Variants in XKR9 observed in about 807,000 individuals in gnomAD.
XKR9 encodes XK related 9, also known as XK-related protein 9.
Under a neutral mutation model 32.0 loss-of-function variants are expected in XKR9, and 32 were observed. That is an observed-to-expected ratio of 1.00 (90% CI 0.76 to 1.34). The LOEUF (loss-of-function observed/expected upper bound fraction) is 1.34, where lower values mean the gene tolerates loss of function less well. Ranked by LOEUF, XKR9 falls within the 40% of genes most tolerant of loss-of-function variation. The pLI is 0.00. For missense variants in XKR9, 546 were observed against 429.7 expected, an observed-to-expected ratio of 1.27 and a Z score of -2.39; for synonymous variants, 168 against 143.4, an observed-to-expected ratio of 1.17 and a Z score of -1.22.
chr8:70,800,353 G>A, the XKR9 span, among the ~76,000 whole-genome samples: 1 of 152,070 alleles, frequency 6.6e-6, no homozygotes. Context: ...GCCAGGTTTG[G>A]TATCAGGATG....
chr8:70,896,453 A>C, the XKR9 span, among the ~76,000 whole-genome samples: 1 of 151,738 alleles, frequency 6.6e-6, no homozygotes, highest in Admixed American at 6.6e-5. Context: ...CATTTGACAT[A>C]AGTTGTTAAA....
the XKR9 span, among the ~76,000 whole-genome samples, chr8:70,878,566 A>G: frequency 6.6e-6 from 1 of 152,354 alleles, no homozygotes; most frequent in South Asian, 2.1e-4. Context: ...GAAGACCACT[A>G]CATAATGGTA....
chr8:71,052,561 C>G, the XKR9 span, among the ~76,000 whole-genome samples: 182 of 152,302 alleles, frequency 1.2e-3, 2 homozygotes, highest in East Asian at 0.031. Flanking sequence ...AGGCATGATT[C>G]TGCCGCCCAC....
chr8:70,894,361 C>T, the XKR9 span, among the ~76,000 whole-genome samples: 9 of 152,128 alleles, frequency 5.9e-5, no homozygotes, highest in South Asian at 2.1e-4. Flanking sequence ...TGTCACAGTT[C>T]GGTCTAAAGG....
chr8:70,842,011 G>C, the XKR9 span, among the ~76,000 whole-genome samples: 1 of 152,130 alleles, frequency 6.6e-6, no homozygotes, highest in African/African-American at 2.4e-5. Flanking sequence ...TTATTACTAT[G>C]ATGGTTTCTA....
downstream of XKR9, among the ~76,000 whole-genome samples, chr8:70,738,306 G>A (rs534927430): frequency 0.017 from 2,391 of 136,752 alleles, 40 homozygotes; most frequent in Non-Finnish European, 0.028. Flanking sequence ...CTGTGGGATC[G>A]GTGGTGATGT....
chr8:70,754,971 C>G (rs956395385), intron 2 of XKR9, among the ~76,000 whole-genome samples: 32 of 151,980 alleles, frequency 2.1e-4, no homozygotes, highest in African/African-American at 7.0e-4. Flanking sequence ...TCAGAGTGAA[C>G]AGGCAACCTA....
At chr8:70,853,949 C>A in the XKR9 span, among the ~76,000 whole-genome samples, 1 of 152,114 alleles carries the variant, frequency 6.6e-6, no homozygotes, top group Non-Finnish European at 1.5e-5. Flanking sequence ...TGGGTTGGTT[C>A]CAAGTCTTTG....
the XKR9 span, among the ~76,000 whole-genome samples, chr8:70,817,763 G>T: frequency 6.6e-6 from 1 of 152,050 alleles, no homozygotes; most frequent in Non-Finnish European, 1.5e-5. Flanking sequence ...TAAAAAACAG[G>T]TATATAGACC....
chr8:70,916,637 G>A, the XKR9 span, among the ~76,000 whole-genome samples: 1 of 151,898 alleles, frequency 6.6e-6, no homozygotes, highest in Non-Finnish European at 1.5e-5. Flanking sequence ...CTTGATCCTT[G>A]GCACTTCTAT....
In XKR9 at chr8:70,734,305, T is replaced by C; in HGVS notation, c.1003T>C (p.Phe335Leu). The change falls in exon 5 of 5, where the codon TTT becomes CTT. Residue 335 changes from phenylalanine (F) to leucine (L), a missense_variant. By Grantham distance (22) the Phe-to-Leu change is conservative. Coordinates refer to ENST00000408926, the MANE Select transcript of XKR9 (RefSeq NM_001011720.2). ...TCTTACTCTTCTTCTTGGAATTCTT[T>C]TTCTTATTGTTTATTATGGGAGTTT... ...IVLTLLLGIL[F>L]LIVYYGSFHP... is the part of the protein sequence containing the mutation. 1 of 1,612,642 alleles carries C rather than the reference T, an allele frequency of 6.2e-7. No individual in the cohort carries two copies. Among genetic ancestry groups the C allele is most frequent in the Non-Finnish European group, 8.5e-7 (1 of 1,179,364 alleles).
the XKR9 span, among the ~76,000 whole-genome samples, chr8:70,821,944 G>T: frequency 6.6e-6 from 1 of 152,188 alleles, no homozygotes; most frequent in African/African-American, 2.4e-5. Flanking sequence ...CATTACTTAT[G>T]CAAATTTCTG....
the XKR9 span, among the ~76,000 whole-genome samples, chr8:70,917,827 T>C: frequency 2.0e-5 from 3 of 152,222 alleles, no homozygotes; most frequent in Admixed American, 6.5e-5. Context: ...GCAAATTACA[T>C]GTCTCTGTAA....
intron 4 of XKR9, among the ~76,000 whole-genome samples, chr8:70,726,910 TGA>T (rs1341336904): frequency 2.0e-5 from 3 of 152,152 alleles, no homozygotes; most frequent in Non-Finnish European, 2.9e-5. Flanking sequence ...GGCAATTTTG[TGA>T]GAGTTTTGAT....
intron 3 of XKR9, among the ~76,000 whole-genome samples, chr8:70,701,385 T>G (rs1805529666): frequency 6.6e-6 from 1 of 152,234 alleles, no homozygotes; most frequent in South Asian, 2.1e-4. Context: ...TCAGGTTGTT[T>G]CCTTGATTAA....
At chr8:70,707,820 C>G (rs1805773288) in intron 4 of XKR9, among the ~76,000 whole-genome samples, 1 of 151,966 alleles carries the variant, frequency 6.6e-6, no homozygotes. Context: ...TAAAAATGTT[C>G]ATTTTTTAAA....
the XKR9 span, among the ~76,000 whole-genome samples, chr8:71,012,426 G>C: frequency 1.3e-5 from 2 of 152,274 alleles, no homozygotes; most frequent in East Asian, 3.9e-4. Flanking sequence ...CCAGGGAAAA[G>C]TGCACCATTA....
At chr8:71,005,212 T>G in the XKR9 span, among the ~76,000 whole-genome samples, 2 of 144,570 alleles carry the variant, frequency 1.4e-5, no homozygotes, top group Non-Finnish European at 3.0e-5. Context: ...CAGTTTTTTT[T>G]TCTTTTCTTT....
At chr8:70,890,330 A>G in the XKR9 span, among the ~76,000 whole-genome samples, 1 of 151,990 alleles carries the variant, frequency 6.6e-6, no homozygotes, top group Non-Finnish European at 1.5e-5. Context: ...TGTGGCAAGC[A>G]TATCCAATAC....
Sources: allele counts gnomAD v4.1 joint callset (sites outside exome capture counted in the v4.1 genomes callset), GRCh38; gene constraint gnomAD v4.1.1; transcripts MANE v1.5; gene names NCBI Gene and HGNC (gene_info 2026-07-23, HGNC 2026-07-21).